PDLIM1: variants seen among roughly 807,000 people sequenced by gnomAD.
PDLIM1 encodes PDZ and LIM domain 1, also known as PDZ and LIM domain protein 1.
In PDLIM1, 25 loss-of-function variants were observed where a neutral mutation model predicts 35.2. The ratio of observed to expected loss-of-function variants is 0.71; its 90% CI spans 0.52 to 0.99. PDLIM1 has a LOEUF of 0.99. PDLIM1 is among the 50% of genes least tolerant of loss of function. The pLI, the probability that PDLIM1 is intolerant of heterozygous loss-of-function variation, is 0.00. For missense variants in PDLIM1, 363 were observed against 415.3 expected, an observed-to-expected ratio of 0.87 and a Z score of 1.09; for synonymous variants, 152 against 154.0, an observed-to-expected ratio of 0.99 and a Z score of 0.10.
At chr10:95,248,715 G>A (rs760471646) in intron 4 of PDLIM1, among the ~76,000 whole-genome samples, 3 of 152,176 alleles carry the variant, frequency 2.0e-5, no homozygotes, top group Non-Finnish European at 4.4e-5. Context: ...TCACATATGT[G>A]ACCCAAACTT....
intron 5 of PDLIM1, among the ~76,000 whole-genome samples, chr10:95,242,646 C>T (rs1400227238): frequency 6.6e-6 from 1 of 151,268 alleles, no homozygotes; most frequent in African/African-American, 2.4e-5. Flanking sequence ...GAGATCACGC[C>T]ACTGCACTCC....
chr10:95,269,789 T>C lies in PDLIM1; in HGVS notation c.249-927A>G, dbSNP rs565869450. On this transcript the variant is annotated intron_variant, in intron 2 of 6. Coordinates refer to ENST00000329399, the MANE Select transcript of PDLIM1 (RefSeq NM_020992.4). ...CTCTGTCGCCCAGGCTGGAGTGCAA[T>C]GAATGGCGTGATCTTGGCTCACTGC... 2.6e-5 allele frequency among the ~76,000 whole-genome samples: 4 copies of C among 152,146 alleles called. No homozygotes were observed. In the South Asian group the frequency reaches 8.3e-4, roughly 32 times the overall value.
chr10:95,263,795 G>T, intron 4 of PDLIM1, 69 bp downstream of exon 4: 1 of 1,235,284 alleles, frequency 8.1e-7, no homozygotes, highest in Admixed American at 2.2e-5. Flanking sequence ...ACCTGCCTGG[G>T]CAGCCCTGGT....
intron 3 of PDLIM1, among the ~76,000 whole-genome samples, chr10:95,265,076 A>T (rs2035400699): frequency 6.6e-6 from 1 of 152,064 alleles, no homozygotes; most frequent in African/African-American, 2.4e-5. Context: ...TTTCCAGAAA[A>T]ATCTTCCTGA....
At position 95,247,442 on chromosome 10, in the gene PDLIM1, C is replaced by T. The variant is rs545814199; in HGVS notation, c.534-76G>A. 2.5e-6 allele frequency: 3 copies of T among 1,181,888 alleles called. No homozygotes were observed. The East Asian group carries it at 7.1e-5, about 28-fold the overall frequency. The allele number at this position is 1,181,888 out of a possible 1,614,324, so 73.2% of individuals were successfully genotyped here. On this transcript the variant is annotated intron_variant, in intron 4 of 6. Transcript: ENST00000329399. ...AACTTCACCAGGAACCTCCTCCAGG[C>T]AGACACTGCTGATTTGAAGGATGGA...
intron 6 of PDLIM1, 140 bp downstream of exon 6, chr10:95,238,428 T>C (rs963337945): frequency 1.5e-6 from 1 of 682,634 alleles, no homozygotes; most frequent in Non-Finnish European, 2.7e-6. Context: ...ACACAGGACC[T>C]TTCTGGCCTC....
chr10:95,288,141 T>C (rs2035618226), intron 1 of PDLIM1, among the ~76,000 whole-genome samples: 1 of 152,196 alleles, frequency 6.6e-6, no homozygotes, highest in Non-Finnish European at 1.5e-5. Flanking sequence ...TCATTTGCTG[T>C]GCATTTGTAT....
intron 5 of PDLIM1, among the ~76,000 whole-genome samples, chr10:95,246,676 A>G (rs2035224372): frequency 6.6e-6 from 1 of 152,240 alleles, no homozygotes; most frequent in African/African-American, 2.4e-5. Flanking sequence ...GAGATTTGCC[A>G]AAGGTCACAG....
intron 5 of PDLIM1, among the ~76,000 whole-genome samples, chr10:95,243,401 A>G (rs1311086097): frequency 6.6e-6 from 1 of 152,182 alleles, no homozygotes; most frequent in Non-Finnish European, 1.5e-5. Context: ...ATATTTCTGG[A>G]AAAAAAGTGA....
rs1424433102 is a variant in PDLIM1, at chr10:95,237,963, G to A, written c.952C>T (p.Pro318Ser). The part of the protein sequence containing the change: ...EKHARERVTP[P>S]EGYEVVTVFP... ...ACAGTGACCACTTCATAACCCTCAGGTGGTGTGACTCGCTCCCGGGCATGC... is the reference window on the plus strand; with the variant it reads ...ACAGTGACCACTTCATAACCCTCAGATGGTGTGACTCGCTCCCGGGCATGC... Residue 318 changes from proline to serine, a missense_variant, in exon 7 of 7, where the codon CCT becomes TCT. By Grantham distance (74) the Pro-to-Ser change is moderately conservative. Coordinates refer to ENST00000329399, the MANE Select transcript of PDLIM1 (RefSeq NM_020992.4). 4.3e-6 allele frequency: 7 copies of A among 1,614,072 alleles called. No individual in the cohort carries two copies. The highest frequency in any genetic ancestry group is 5.9e-6 in the Non-Finnish European group (7 of 1,180,046).
At chr10:95,276,916 A>AC (rs2035516631) in intron 1 of PDLIM1, among the ~76,000 whole-genome samples, 2 of 150,252 alleles carry the variant, frequency 1.3e-5, no homozygotes, top group South Asian at 2.1e-4. Context: ...AAAAAAAAAA[A>AC]AAAAAAAACT....
At position 95,286,301 on chromosome 10, in the gene PDLIM1, G is replaced by T. The variant is rs560174070; in HGVS notation, c.96+4519C>A. Among the ~76,000 whole-genome samples, 11 of 151,868 alleles carry T rather than the reference G, an allele frequency of 7.2e-5. No individual in the cohort carries two copies. In the South Asian group the frequency reaches 2.3e-3, roughly 32 times the overall value. On this transcript the variant is annotated intron_variant, in intron 1 of 6. Transcript: ENST00000329399. Reference sequence around the variant, plus strand: ...GAACCCAGGGGGTGGAGGTTGCAGTGAGCCGAGATCATGCCACTGAACTCT... The same window carrying T: ...GAACCCAGGGGGTGGAGGTTGCAGTTAGCCGAGATCATGCCACTGAACTCT...
chr10:95,269,464 C>T (rs1289273006), intron 2 of PDLIM1, among the ~76,000 whole-genome samples: 1 of 150,326 alleles, frequency 6.7e-6, no homozygotes, highest in African/African-American at 2.4e-5. Flanking sequence ...CCCAGCTACT[C>T]GGGAGGCTGA....
chr10:95,282,274 C>A (rs1048832992), intron 1 of PDLIM1, among the ~76,000 whole-genome samples: 1 of 152,226 alleles, frequency 6.6e-6, no homozygotes, highest in African/African-American at 2.4e-5. Context: ...TCTCTTTAGT[C>A]AGAATCTTCT....
intron 1 of PDLIM1, among the ~76,000 whole-genome samples, chr10:95,287,623 C>A (rs2035613779): frequency 1.3e-5 from 2 of 151,786 alleles, no homozygotes; most frequent in East Asian, 3.9e-4. Flanking sequence ...TGAAGGCTTC[C>A]CTTGAAAGTA....
intron 5 of PDLIM1, among the ~76,000 whole-genome samples, chr10:95,246,392 A>T (rs1316524136): frequency 2.0e-5 from 3 of 152,244 alleles, no homozygotes; most frequent in Non-Finnish European, 2.9e-5. Context: ...TGATCATAAT[A>T]AATGTACGTT....
intron 4 of PDLIM1, among the ~76,000 whole-genome samples, chr10:95,256,140 TTATAAAACATTTTAAAATGTTTAAAAA>T (rs1158580322): frequency 6.6e-6 from 1 of 152,134 alleles, no homozygotes; most frequent in Non-Finnish European, 1.5e-5. Context: ...CATTTTAAAA[TTATAAAACATTTTAAAATGTTTAAAAA>T]TATAAAACAT....
chr10:95,240,854 T>C (rs2035172065), intron 5 of PDLIM1, among the ~76,000 whole-genome samples: 1 of 152,096 alleles, frequency 6.6e-6, no homozygotes, highest in South Asian at 2.1e-4. Context: ...AAGGCCCCAC[T>C]CATCACATCT....
chr10:95,263,798 G>A (rs1310031882), intron 4 of PDLIM1, 66 bp downstream of exon 4: 2 of 1,286,610 alleles, frequency 1.6e-6, no homozygotes, highest in African/African-American at 2.9e-5. Flanking sequence ...TGCCTGGGCA[G>A]CCCTGGTCCT....
Sources: gnomAD v4.1 joint callset for allele counts (sites outside exome capture counted in the v4.1 genomes callset) on GRCh38, gnomAD v4.1.1 for gene constraint, MANE v1.5 for transcripts, NCBI Gene and HGNC (gene_info 2026-07-23, HGNC 2026-07-21) for gene names.